Variants in RGS6 observed in about 807,000 individuals in gnomAD.
RGS6 encodes the protein regulator of G protein signaling 6.
Under a neutral mutation model 78.5 loss-of-function variants are expected in RGS6, and 30 were observed. The observed-to-expected ratio is 0.38, with a 90% CI of 0.29 to 0.52. RGS6 has a LOEUF of 0.52. Ranked by LOEUF, RGS6 falls within the 20% of genes least tolerant of loss-of-function variation. The pLI, the probability that RGS6 is intolerant of heterozygous loss-of-function variation, is 0.85. For synonymous variants in RGS6, 206 were observed against 206.0 expected, an observed-to-expected ratio of 1.00 and a Z score of 0.00; for missense variants, 495 against 609.7, an observed-to-expected ratio of 0.81 and a Z score of 1.98.
intron 2 of RGS6, among the ~76,000 whole-genome samples, chr14:72,158,275 A>G (rs2096801167): frequency 6.6e-6 from 1 of 152,020 alleles, no homozygotes; most frequent in Non-Finnish European, 1.5e-5. Flanking sequence ...CTGTCTCTTC[A>G]TGTCATCATC....
intron 1 of RGS6, among the ~76,000 whole-genome samples, chr14:71,937,446 A>G (rs752213859): frequency 1.5e-4 from 23 of 152,146 alleles, no homozygotes; most frequent in Non-Finnish European, 2.8e-4. Flanking sequence ...ACAGTACCAT[A>G]TATTGGATGC....
intron 2 of RGS6, among the ~76,000 whole-genome samples, chr14:71,983,290 G>A (rs183396951): frequency 2.2e-4 from 33 of 152,300 alleles, no homozygotes; most frequent in African/African-American, 7.5e-4. Flanking sequence ...GTATGAAATG[G>A]ACCTGAAAAG....
chr14:72,535,632 A>G (rs757444309), intron 15 of RGS6, among the ~76,000 whole-genome samples: 2 of 152,284 alleles, frequency 1.3e-5, no homozygotes, highest in African/African-American at 4.8e-5. Context: ...ATGTGTCAAA[A>G]TACAGAACCA....
intron 2 of RGS6, among the ~76,000 whole-genome samples, chr14:72,269,125 A>G (rs560413086): frequency 7.5e-5 from 5 of 66,488 alleles, no homozygotes; most frequent in Non-Finnish European, 1.7e-4. Context: ...CCCAGAATCT[A>G]TTACCTCCGC....
chr14:72,071,037 A>G (rs1427312883), intron 2 of RGS6, among the ~76,000 whole-genome samples: 1 of 152,144 alleles, frequency 6.6e-6, no homozygotes, highest in Non-Finnish European at 1.5e-5. Context: ...GTAAATTACC[A>G]GATATATTGG....
intron 12 of RGS6, among the ~76,000 whole-genome samples, chr14:72,491,203 C>T (rs549096196): frequency 1.4e-4 from 21 of 151,760 alleles, no homozygotes; most frequent in African/African-American, 3.6e-4. Flanking sequence ...TATTGTGGAT[C>T]GATAACCATA....
At chr14:71,997,876 T>C (rs917355680) in intron 2 of RGS6, among the ~76,000 whole-genome samples, 1 of 152,232 alleles carries the variant, frequency 6.6e-6, no homozygotes, top group Non-Finnish European at 1.5e-5. Flanking sequence ...AAAACTTGGC[T>C]ATAAATTTTA....
At chr14:72,094,374 T>C (rs17179539) in intron 2 of RGS6, among the ~76,000 whole-genome samples, 35,247 of 152,182 alleles carry the variant, frequency 0.23, 5,282 homozygotes, top group Non-Finnish European at 0.34. Context: ...AAATGAGGTA[T>C]AGCTCTTGGA....
chr14:72,205,507 C>G (rs767792430), intron 2 of RGS6, among the ~76,000 whole-genome samples: 2 of 152,214 alleles, frequency 1.3e-5, no homozygotes, highest in Non-Finnish European at 2.9e-5. Flanking sequence ...TTCAGGGTCT[C>G]ATTCCAAACA....
chr14:72,077,656 G>C (rs1399396726), intron 2 of RGS6, among the ~76,000 whole-genome samples: 6 of 151,924 alleles, frequency 3.9e-5, no homozygotes, highest in African/African-American at 1.5e-4. Flanking sequence ...GTTCCTTACT[G>C]TCTTGACTAC....
At chr14:72,582,899 TG>T in the RGS6 span, among the ~76,000 whole-genome samples, 1 of 150,330 alleles carries the variant, frequency 6.7e-6, no homozygotes, top group African/African-American at 2.4e-5. Flanking sequence ...GGTATGTCTG[TG>T]GGGGTGGTTC....
intron 17 of RGS6, among the ~76,000 whole-genome samples, chr14:72,551,604 G>T (rs1025036997): frequency 6.6e-5 from 10 of 152,230 alleles, no homozygotes; most frequent in Admixed American, 1.3e-4. Flanking sequence ...AGAATGCAGA[G>T]AAGTAAGCTA....
intron 2 of RGS6, among the ~76,000 whole-genome samples, chr14:72,135,976 G>A (rs2096432521): frequency 6.6e-6 from 1 of 152,080 alleles, no homozygotes. Flanking sequence ...CTTGTTCCAA[G>A]GTTTTTAATT....
At chr14:71,943,902 C>A (rs922091661) in intron 1 of RGS6, among the ~76,000 whole-genome samples, 6 of 152,198 alleles carry the variant, frequency 3.9e-5, no homozygotes, top group Non-Finnish European at 4.4e-5. Flanking sequence ...AGTGGGGGTG[C>A]ATGGATTGGT....
At position 72,268,116 on chromosome 14, in the gene RGS6, A is replaced by G. The variant is rs566472533; in HGVS notation, c.85-83979A>G. 6.6e-5 allele frequency among the ~76,000 whole-genome samples: 10 copies of G among 152,298 alleles called. No homozygotes were observed. The East Asian group carries it at 1.9e-3, about 29-fold the overall frequency. ...TTGTATTTGTTGAAATTTTCCTGAC[A>G]TTTTGACTTGTCTAGACGATTATTC... On this transcript the variant is annotated intron_variant, in intron 2 of 17. Transcript: ENST00000553525.
the RGS6 span, among the ~76,000 whole-genome samples, chr14:71,892,374 A>G: frequency 1.3e-5 from 2 of 152,250 alleles, 1 homozygote; most frequent in South Asian, 4.1e-4. Context: ...AATCTTCAGC[A>G]AGATGGATAC....
the RGS6 span, among the ~76,000 whole-genome samples, chr14:71,887,475 T>C: frequency 1.3e-5 from 2 of 152,146 alleles, no homozygotes; most frequent in East Asian, 1.9e-4. Context: ...CCTAAATTCT[T>C]TTCCTAGCAA....
intron 2 of RGS6, among the ~76,000 whole-genome samples, chr14:72,337,570 C>T (rs747046917): frequency 5.3e-5 from 8 of 151,996 alleles, no homozygotes; most frequent in South Asian, 2.1e-4. Context: ...GTGACCTGGC[C>T]GGTTCGATGA....
At chr14:72,012,938 G>T (rs1035413773) in intron 2 of RGS6, among the ~76,000 whole-genome samples, 1 of 152,092 alleles carries the variant, frequency 6.6e-6, no homozygotes, top group South Asian at 2.1e-4. Flanking sequence ...TATTTCTCTT[G>T]TCAAGTAAGC....
Sources: allele counts gnomAD v4.1 joint callset (sites outside exome capture counted in the v4.1 genomes callset), GRCh38; gene constraint gnomAD v4.1.1; transcripts MANE v1.5; gene names NCBI Gene and HGNC (gene_info 2026-07-23, HGNC 2026-07-21).